PDGFA: variants seen among roughly 807,000 people sequenced by gnomAD.
PDGFA encodes platelet-derived growth factor subunit A.
PDGFA carries 9 observed loss-of-function variants against 25.6 expected under a neutral mutation model. The ratio of observed to expected loss-of-function variants is 0.35; its 90% CI spans 0.21 to 0.61. PDGFA has a LOEUF of 0.61. Among genes scored for constraint, PDGFA ranks in the 20% least tolerant of loss-of-function variants. PDGFA has a pLI of 0.75. For synonymous variants in PDGFA, 133 were observed against 111.8 expected, an observed-to-expected ratio of 1.19 and a Z score of -1.20; for missense variants, 242 against 272.8, an observed-to-expected ratio of 0.89 and a Z score of 0.79.
intron 2 of PDGFA, among the ~76,000 whole-genome samples, chr7:514,695 C>T (rs9691960): frequency 0.87 from 132,685 of 152,278 alleles, 58,689 homozygotes; most frequent in Non-Finnish European, 0.96. Flanking sequence ...GGGCTATTTA[C>T]GTTATCAGCC....
Position 517,475 on chromosome 7 carries a change from G to T in PDGFA, c.79C>A (p.Arg27Ser), listed in dbSNP as rs1783163261. 2 of 1,341,736 alleles carry T rather than the reference G, an allele frequency of 1.5e-6. No homozygotes were observed. The allele number at this position is 1,341,736 out of a possible 1,614,324, so 83.1% of individuals were successfully genotyped here. ...CGGGCCAGCCTCTCGATCACCTCGC[G>T]GGGGATCTCGGCTTCCTGCAAGCAG... The change falls in exon 2 of 6, where the codon CGC becomes AGC. Residue 27 changes from arginine (R) to serine (S), a missense_variant. By Grantham distance (110) the Arg-to-Ser change is moderately radical. Transcript: ENST00000402802. The surrounding 1 kb of genome is among the most constrained non-coding windows in gnomAD (Gnocchi z 7.4).
At chr7:501,383 TGGG>T in intron 4 of PDGFA, 141 bp from the exon 5 acceptor site, 2 of 1,034,104 alleles carry the variant, frequency 1.9e-6, no homozygotes, top group Non-Finnish European at 2.9e-6. Flanking sequence ...TACCTTGTGG[TGGG>T]GAGTGTAGCA....
upstream of PDGFA, chr7:520,471 C>T (rs548627188): frequency 6.5e-6 from 1 of 153,164 alleles, no homozygotes; most frequent in East Asian, 1.9e-4. Context: ...ACCCACATTT[C>T]CACTTGGGAG....
At chr7:501,683 A>G (rs1325774698) in intron 4 of PDGFA, among the ~76,000 whole-genome samples, 1 of 152,124 alleles carries the variant, frequency 6.6e-6, no homozygotes, top group Non-Finnish European at 1.5e-5. Context: ...TCAGCCTCCC[A>G]AAGTGCTGGA....
chr7:511,641 G>T (rs1053745295), intron 3 of PDGFA, among the ~76,000 whole-genome samples: 2 of 152,122 alleles, frequency 1.3e-5, no homozygotes, highest in Admixed American at 6.5e-5. Context: ...AGAGAGGGGG[G>T]TCCACCTGCT....
chr7:518,858 C>A lies in PDGFA; in HGVS notation c.63+81G>T, dbSNP rs1299671756. On this transcript the variant is annotated intron_variant, in intron 1 of 5. Transcript: ENST00000402802. ...CTGGCAGGAACCAAAACGCTCTCTG[C>A]AGAGCCCGTGGCGCCCCAGCCGGCG... is the stretch of plus-strand genomic sequence containing the variant. 4.3e-6 allele frequency: 4 copies of A among 928,746 alleles called. No homozygotes were observed. The African/African-American group carries it at 6.9e-5, about 16-fold the overall frequency. 57.5% of individuals were successfully genotyped at this position (928,746 alleles called of 1,614,324 possible).
exon 6 of PDGFA, chr7:497,951 A>AC (rs1782141159): frequency 7.8e-5 from 9 of 115,242 alleles, no homozygotes; most frequent in Non-Finnish European, 1.3e-4. Flanking sequence ...AAAAAAAAAA[A>AC]AAAAAAACAA....
intron 2 of PDGFA, among the ~76,000 whole-genome samples, chr7:516,000 C>CA (rs1183055280): frequency 5.0e-5 from 6 of 119,308 alleles, no homozygotes; most frequent in East Asian, 6.0e-4. Context: ...CTGCTAGCAC[C>CA]CCCCCCCAGA....
intron 4 of PDGFA, among the ~76,000 whole-genome samples, chr7:505,384 C>T (rs1034412001): frequency 2.0e-5 from 3 of 152,182 alleles, no homozygotes; most frequent in Non-Finnish European, 4.4e-5. Flanking sequence ...TCAACACTCC[C>T]GGCGCGAACT....
intron 5 of PDGFA, 80 bp from the exon 6 acceptor site, chr7:498,654 A>G (rs1782199419): frequency 7.5e-7 from 1 of 1,324,518 alleles, no homozygotes; most frequent in South Asian, 1.2e-5. Context: ...GCATAGGAGG[A>G]AAACAGGGTG....
In PDGFA at chr7:500,473, G is replaced by T; in HGVS notation, c.580+643C>A. 1 of 1,614,052 alleles carries T rather than the reference G, an allele frequency of 6.2e-7. No individual in the cohort carries two copies. The highest frequency in any genetic ancestry group is 8.5e-7 in the Non-Finnish European group (1 of 1,180,030). On this transcript the variant is annotated intron_variant, in intron 5 of 5. Coordinates refer to ENST00000402802, the Ensembl canonical transcript of PDGFA. The surrounding 1 kb of genome is among the most constrained non-coding windows in gnomAD (Gnocchi z 5.0). Reference sequence around the variant, plus strand: ...GTGGGTTTTAACCTTTTTCTTTTCCGTTTTTTACCTGACTCCCTAGGCCTT... The same window carrying T: ...GTGGGTTTTAACCTTTTTCTTTTCCTTTTTTTACCTGACTCCCTAGGCCTT...
rs916875507 is a variant in PDGFA, at chr7:501,254, AAC to A, written c.454-14_454-13del. On this transcript the variant is annotated splice_polypyrimidine_tract_variant and intron_variant, in intron 4 of 5. Coordinates refer to ENST00000402802, the Ensembl canonical transcript of PDGFA. ...TCCACCTTGGCCACCTGCCAGAGAG[AAC>A]AGAGCCCGGCCATGAATGCCTGCAT... The A allele has an allele frequency of 1.5e-5, 24 of 1,613,760 alleles. No homozygotes were observed. Among genetic ancestry groups the A allele is most frequent in the African/African-American group, 1.5e-4 (11 of 74,914 alleles).
Position 500,871 on chromosome 7 carries a change from G to T in PDGFA, c.580+245C>A. 2 of 1,559,240 alleles carry T rather than the reference G, an allele frequency of 1.3e-6. No homozygotes were observed. The highest frequency in any genetic ancestry group is 1.7e-6 in the Non-Finnish European group (2 of 1,159,162). ...TTATGCACTCCCAGCCCCTCTCAGTGAGACCTGAATCTCCTCTCCTGCCAG... is the reference window on the plus strand; with the variant it reads ...TTATGCACTCCCAGCCCCTCTCAGTTAGACCTGAATCTCCTCTCCTGCCAG... On this transcript the variant is annotated intron_variant, in intron 5 of 5. Coordinates refer to ENST00000402802, the Ensembl canonical transcript of PDGFA. This position sits in a 1 kb window ranked among gnomAD's most constrained non-coding sequence, Gnocchi z 5.0.
chr7:517,423 A>T lies in PDGFA; in HGVS notation c.131T>A (p.Leu44His). 7.2e-7 allele frequency: 1 copy of T among 1,391,226 alleles called. No homozygotes were observed. Among genetic ancestry groups the T allele is most frequent in the Non-Finnish European group, 9.4e-7 (1 of 1,058,336 alleles). 86.2% of individuals were successfully genotyped at this position (1,391,226 alleles called of 1,614,324 possible). A position where few individuals can be genotyped will look rare whatever the true frequency, so the allele number is the denominator to read the frequency against. ...GGAGTCTATCTCCAGGAGTCGCTGG[A>T]GGTCCCGGATGCTGTGGATCTGACT... is the stretch of plus-strand genomic sequence containing the variant. Residue 44 changes from leucine (L) to histidine (H), a missense_variant, in exon 2 of 6, where the codon CTC becomes CAC. This residue lies in a region of PDGFA where 113 missense variants were observed against 98.3 expected (regional missense o/e 1.15). Coordinates refer to ENST00000402802, the Ensembl canonical transcript of PDGFA. This position sits in a 1 kb window ranked among gnomAD's most constrained non-coding sequence, Gnocchi z 7.4.
At position 517,488 on chromosome 7, in the gene PDGFA, T is replaced by C; in HGVS notation, c.66A>G (p.Glu22=). 1.5e-6 allele frequency: 2 copies of C among 1,316,196 alleles called. No individual in the cohort carries two copies. Among genetic ancestry groups the C allele is most frequent in the Non-Finnish European group, 2.0e-6 (2 of 1,017,318 alleles). 81.5% of individuals were successfully genotyped at this position (1,316,196 alleles called of 1,614,324 possible). A position where few individuals can be genotyped will look rare whatever the true frequency, so the allele number is the denominator to read the frequency against. Reference sequence around the variant, plus strand: ...CGATCACCTCGCGGGGGATCTCGGCTTCCTGCAAGCAGAGGCCACACGGTC... The same window carrying C: ...CGATCACCTCGCGGGGGATCTCGGCCTCCTGCAAGCAGAGGCCACACGGTC... Residue 22 remains glutamate, a splice_region_variant and synonymous_variant, in exon 2 of 6, where the codon GAA becomes GAG. Coordinates refer to ENST00000402802, the Ensembl canonical transcript of PDGFA. The surrounding 1 kb of genome is among the most constrained non-coding windows in gnomAD (Gnocchi z 7.4).
At chr7:518,945 C>A (rs751470015) in exon 1 of PDGFA, 1 of 1,528,996 alleles carries the variant, frequency 6.5e-7, no homozygotes. Flanking sequence ...CAACCTCGGC[C>A]AGAACATGGG....
At chr7:516,821 G>A (rs1422321421) in intron 2 of PDGFA, among the ~76,000 whole-genome samples, 8 of 152,232 alleles carry the variant, frequency 5.3e-5, no homozygotes, top group Non-Finnish European at 1.0e-4. Flanking sequence ...CAGCAGATGC[G>A]TCCAAGGCTT....
chr7:509,067 T>G (rs1782689668), intron 4 of PDGFA, among the ~76,000 whole-genome samples: 3 of 152,206 alleles, frequency 2.0e-5, no homozygotes, highest in African/African-American at 7.2e-5. Context: ...CACACTTCCC[T>G]GAAAGCAGGG....
At chr7:512,418 G>C (rs775652065) in exon 3 of PDGFA, 7 of 1,613,766 alleles carry the variant, frequency 4.3e-6, no homozygotes, top group Non-Finnish European at 5.9e-6. Flanking sequence ...CATGGACCCC[G>C]TGAGCTCTCA....
Sources: allele counts gnomAD v4.1 joint callset (sites outside exome capture counted in the v4.1 genomes callset), GRCh38; gene constraint gnomAD v4.1.1; regional missense constraint gnomAD v4.1.1; non-coding constraint Gnocchi (gnomAD v3.1); transcripts MANE v1.5; gene names NCBI Gene and HGNC (gene_info 2026-07-23, HGNC 2026-07-21).